The following FAM149B1 variants were observed in gnomAD, a reference collection of about 807,000 sequenced individuals.
FAM149B1 encodes the protein family with sequence similarity 149 member B1, also known as primary cilium assembly protein FAM149B1.
In FAM149B1, 56 loss-of-function variants were observed where a neutral mutation model predicts 75.3. That is an observed-to-expected ratio of 0.74 (90% CI 0.60 to 0.93). The LOEUF (loss-of-function observed/expected upper bound fraction) is 0.93. FAM149B1 is among the 40% of genes least tolerant of loss of function. FAM149B1 has a pLI of 0.00. For missense variants in FAM149B1, 639 were observed against 708.4 expected (o/e 0.90, Z 1.11); for synonymous variants, 259 against 256.1 (o/e 1.01, Z -0.11).
chr10:73,219,458 T>A (rs1397701722), intron 7 of FAM149B1, among the ~76,000 whole-genome samples: 1 of 152,154 alleles, frequency 6.6e-6, no homozygotes, highest in African/African-American at 2.4e-5. Flanking sequence ...AAAACAATAT[T>A]TCTAAAGAAT....
At chr10:73,240,590 T>C (rs2043922960) in intron 13 of FAM149B1, among the ~76,000 whole-genome samples, 1 of 151,970 alleles carries the variant, frequency 6.6e-6, no homozygotes, top group South Asian at 2.1e-4. Context: ...CAGATGCCTG[T>C]AGTCCCAGCT....
At chr10:73,206,797 C>G (rs1298990262) in intron 5 of FAM149B1, among the ~76,000 whole-genome samples, 2 of 152,178 alleles carry the variant, frequency 1.3e-5, no homozygotes, top group African/African-American at 4.8e-5. Context: ...CGCCTATAAT[C>G]CCAGCTACTT....
At chr10:73,231,623 A>C (rs1343783954) in intron 9 of FAM149B1, among the ~76,000 whole-genome samples, 1 of 151,014 alleles carries the variant, frequency 6.6e-6, no homozygotes, top group Admixed American at 6.6e-5. Flanking sequence ...GTGAGAAACG[A>C]ATGAGCTATT....
At chr10:73,232,857 C>A in intron 9 of FAM149B1, 82 bp from the exon 10 acceptor site, 1 of 835,240 alleles carries the variant, frequency 1.2e-6, no homozygotes, top group Non-Finnish European at 2.0e-6. Flanking sequence ...AGTTTCTAGT[C>A]TAAGGCTTTT....
intron 6 of FAM149B1, 45 bp from the exon 7 acceptor site, chr10:73,210,206 T>C (rs1449392204): frequency 7.3e-7 from 1 of 1,361,158 alleles, no homozygotes; most frequent in African/African-American, 1.5e-5. Flanking sequence ...AAAGGCAGCC[T>C]TCCCTTCAGC....
rs1214441117 is a variant in FAM149B1, at chr10:73,188,680, G to A, written c.283-3876G>A. On this transcript the variant is annotated intron_variant, in intron 3 of 13. Coordinates refer to ENST00000242505, the MANE Select transcript of FAM149B1 (RefSeq NM_173348.2). Reference sequence around the variant, plus strand: ...AGGTTGCAGTGAGGTGCAGGAGGTCGTGCCACTGCACTCCAGCCTGGGCGA... The same window carrying A: ...AGGTTGCAGTGAGGTGCAGGAGGTCATGCCACTGCACTCCAGCCTGGGCGA... 3.3e-5 allele frequency among the ~76,000 whole-genome samples: 5 copies of A among 150,536 alleles called. No individual in the cohort carries two copies. The East Asian group carries it at 9.8e-4, about 30-fold the overall frequency.
intron 2 of FAM149B1, among the ~76,000 whole-genome samples, chr10:73,176,277 T>C (rs115031686): frequency 0.032 from 4,848 of 152,134 alleles, 253 homozygotes; most frequent in African/African-American, 0.11. Flanking sequence ...ATGCGAGCCA[T>C]GGGGAGCTGC....
chr10:73,178,992 G>A (rs1265971624), intron 3 of FAM149B1, among the ~76,000 whole-genome samples: 1 of 151,666 alleles, frequency 6.6e-6, no homozygotes, highest in Non-Finnish European at 1.5e-5. Context: ...TTGGAACGGA[G>A]TCTCGCTCTG....
chr10:73,191,423 G>A (rs1407696293), intron 3 of FAM149B1, among the ~76,000 whole-genome samples: 5 of 147,282 alleles, frequency 3.4e-5, no homozygotes, highest in South Asian at 4.3e-4. Flanking sequence ...CGCAACCTCC[G>A]CCTCCCAGGT....
rs1219683291 is a variant in FAM149B1, at chr10:73,242,254, T to G, written c.*1235T>G. 1 of 152,234 alleles carries G rather than the reference T, an allele frequency of 6.6e-6. No homozygotes were observed. Among genetic ancestry groups the G allele is most frequent in the East Asian group, 1.9e-4 (1 of 5,206 alleles). 9.4% of individuals were successfully genotyped at this position (152,234 alleles called of 1,614,324 possible). On this transcript the variant is annotated 3_prime_UTR_variant, in exon 14 of 14. Coordinates refer to ENST00000242505, the MANE Select transcript of FAM149B1 (RefSeq NM_173348.2). ...GGCTTACTTTATGCATACGGTATAT[T>G]TAATAGTCTACAAATCAAAGATTTA... is the stretch of plus-strand genomic sequence containing the variant.
At chr10:73,221,382 G>A (rs1453770443) in intron 7 of FAM149B1, among the ~76,000 whole-genome samples, 1 of 152,048 alleles carries the variant, frequency 6.6e-6, no homozygotes, top group Admixed American at 6.6e-5. Flanking sequence ...TTGTAGATAT[G>A]AAAATTCCTT....
chr10:73,230,253 G>T (rs538333879), intron 8 of FAM149B1, 169 bp from the exon 9 acceptor site: 2 of 542,878 alleles, frequency 3.7e-6, no homozygotes, highest in Non-Finnish European at 6.6e-6. Flanking sequence ...CTATCACATG[G>T]ACAGTTGACT....
At chr10:73,229,213 T>C (rs2043627466) in intron 8 of FAM149B1, among the ~76,000 whole-genome samples, 2 of 152,094 alleles carry the variant, frequency 1.3e-5, no homozygotes, top group Non-Finnish European at 2.9e-5. Context: ...TAGTCTCAGT[T>C]CCTACACAAT....
chr10:73,181,252 G>A (rs1439277935), intron 3 of FAM149B1, among the ~76,000 whole-genome samples: 2 of 151,870 alleles, frequency 1.3e-5, no homozygotes, highest in Non-Finnish European at 1.5e-5. Flanking sequence ...CTCATGATCC[G>A]CCTGCCTTGG....
intron 1 of FAM149B1, among the ~76,000 whole-genome samples, chr10:73,173,494 C>T (rs1334769191): frequency 6.6e-6 from 1 of 152,206 alleles, no homozygotes; most frequent in East Asian, 1.9e-4. Flanking sequence ...GTTATATCCA[C>T]TCTTGTCTCC....
chr10:73,239,965 A>T (rs2043904803), intron 13 of FAM149B1, among the ~76,000 whole-genome samples: 5 of 152,158 alleles, frequency 3.3e-5, no homozygotes, highest in Non-Finnish European at 7.3e-5. Flanking sequence ...CACTCTGCTG[A>T]TCAGGCCAGA....
Position 73,235,356 on chromosome 10 carries a change from G to C in FAM149B1, c.1602+38G>C, listed in dbSNP as rs1268010037. 1.2e-5 allele frequency: 18 copies of C among 1,549,164 alleles called. No individual in the cohort carries two copies. The East Asian group carries it at 4.4e-4, about 38-fold the overall frequency. ...ACTTCCTAGAATGGTCTTGATAGTT[G>C]GGGAAAGAAAAGGTGGGGGGAATAA... On this transcript the variant is annotated intron_variant, in intron 12 of 13. Transcript: ENST00000242505.
intron 8 of FAM149B1, 85 bp from the exon 9 acceptor site, chr10:73,230,337 G>A (rs893753426): frequency 2.7e-6 from 2 of 742,910 alleles, no homozygotes; most frequent in African/African-American, 3.5e-5. Context: ...AACCAAATTG[G>A]AAATATTAAC....
At position 73,181,102 on chromosome 10, in the gene FAM149B1, G is replaced by T. The variant is rs911592613; in HGVS notation, c.282+3127G>T. 1.2e-4 allele frequency among the ~76,000 whole-genome samples: 18 copies of T among 151,716 alleles called. No homozygotes were observed. The Middle Eastern group carries it at 0.01, about 86-fold the overall frequency. On this transcript the variant is annotated intron_variant, in intron 3 of 13. Coordinates refer to ENST00000242505, the MANE Select transcript of FAM149B1 (RefSeq NM_173348.2). Reference sequence around the variant, plus strand: ...GCTCACTGCAAGCTCCGCCTCCCGGGTTCACACCATTCTCCTGCCTCAGCC... The same window carrying T: ...GCTCACTGCAAGCTCCGCCTCCCGGTTTCACACCATTCTCCTGCCTCAGCC...
Sources: allele counts gnomAD v4.1 joint callset (sites outside exome capture counted in the v4.1 genomes callset), GRCh38; gene constraint gnomAD v4.1.1; transcripts MANE v1.5; gene names NCBI Gene and HGNC (gene_info 2026-07-23, HGNC 2026-07-21).